The following TCF7L1 variants were observed in gnomAD, a reference collection of about 807,000 sequenced individuals.
TCF7L1 encodes the protein transcription factor 7 like 1, also known as transcription factor 7-like 1.
TCF7L1 carries 18 observed loss-of-function variants against 63.7 expected under a neutral mutation model. The ratio of observed to expected loss-of-function variants is 0.28; its 90% confidence interval spans 0.20 to 0.42. The LOEUF is 0.42. Ranked by LOEUF, TCF7L1 falls within the 10% of genes least tolerant of loss-of-function variation. The probability of loss-of-function intolerance (pLI) is 1.00; values close to 1 mark genes in which losing one functional copy is unlikely to be tolerated. For missense variants in TCF7L1, 654 were observed against 779.3 expected (o/e 0.84, Z 1.91); for synonymous variants, 355 against 340.9 (o/e 1.04, Z -0.46).
chr2:85,306,276 A>C lies in TCF7L1; in HGVS notation c.1060A>C (p.Met354Leu). ...PHVKKPLNAF[M>L]LYMKEMRAKV... ...CGTGAAGAAGCCTCTGAATGCCTTC[A>C]TGTTGTATATGAAGGAGATGAGGGC... is the stretch of plus-strand genomic sequence containing the variant. The change falls in exon 9 of 12, where the codon ATG (methionine) becomes CTG (leucine). Residue 354 changes from methionine to leucine, a missense_variant. This residue lies in a region of TCF7L1 where 66 missense variants were observed against 120.5 expected (regional missense o/e 0.55). Transcript: ENST00000282111. This position sits in a 1 kb window ranked among gnomAD's most constrained non-coding sequence, Gnocchi z 4.3. 1 of 1,614,196 alleles carries C rather than the reference A, an allele frequency of 6.2e-7. No individual in the cohort carries two copies. Among genetic ancestry groups the C allele is most frequent in the East Asian group, 2.2e-5 (1 of 44,884 alleles).
intron 11 of TCF7L1, among the ~76,000 whole-genome samples, 195 bp downstream of exon 11, chr2:85,307,912 A>G (rs2104392056): frequency 6.6e-6 from 1 of 152,302 alleles, no homozygotes; most frequent in Non-Finnish European, 1.5e-5. Flanking sequence ...ACTCTGCTTC[A>G]GTGGTGGTGG....
intron 3 of TCF7L1, among the ~76,000 whole-genome samples, chr2:85,243,107 G>A (rs1007773326): frequency 6.6e-6 from 1 of 152,128 alleles, no homozygotes; most frequent in Non-Finnish European, 1.5e-5. Flanking sequence ...CAATTATTCC[G>A]CCCTTAACTC....
chr2:85,221,269 C>T (rs1558637940), intron 3 of TCF7L1, among the ~76,000 whole-genome samples: 1 of 152,080 alleles, frequency 6.6e-6, no homozygotes, highest in Non-Finnish European at 1.5e-5. Context: ...GAAAGAATCA[C>T]GCATTTGTCC....
intron 3 of TCF7L1, chr2:85,213,691 A>C (rs1402066245): frequency 6.6e-6 from 1 of 152,176 alleles, no homozygotes; most frequent in African/African-American, 2.4e-5. Context: ...CCAAGGAGCT[A>C]AGGTGGGCAG....
chr2:85,169,212 T>A (rs898613424), intron 3 of TCF7L1, among the ~76,000 whole-genome samples: 1 of 152,100 alleles, frequency 6.6e-6, no homozygotes, highest in Non-Finnish European at 1.5e-5. Context: ...CATCAGTCCT[T>A]CATTCAGCAG....
intron 3 of TCF7L1, among the ~76,000 whole-genome samples, chr2:85,212,089 C>CAAAAAAA (rs61280306): frequency 3.7e-4 from 26 of 69,820 alleles, no homozygotes; most frequent in Non-Finnish European, 5.2e-4. Context: ...GACTCCATCT[C>CAAAAAAA]AAAAAAAAAA....
intron 3 of TCF7L1, among the ~76,000 whole-genome samples, chr2:85,235,823 A>T (rs1317605858): frequency 6.6e-6 from 1 of 152,098 alleles, no homozygotes; most frequent in Non-Finnish European, 1.5e-5. Context: ...GGCATTCAAG[A>T]TCAGCCTAGG....
chr2:85,135,336 C>G (rs1677568524), intron 3 of TCF7L1, among the ~76,000 whole-genome samples: 1 of 152,100 alleles, frequency 6.6e-6, no homozygotes, highest in Non-Finnish European at 1.5e-5. Context: ...GTGCTGGGTC[C>G]GATGACAGAT....
rs1234945532 is a variant in TCF7L1, at chr2:85,133,688, C to A, written c.4C>A (p.Pro2Thr). 3.0e-6 allele frequency: 3 copies of A among 989,604 alleles called. No individual in the cohort carries two copies. Among genetic ancestry groups the A allele is most frequent in the Admixed American group, 6.2e-5 (1 of 16,250 alleles). 61.3% of individuals were successfully genotyped at this position (989,604 alleles called of 1,614,324 possible). Reference sequence around the variant, plus strand: ...GGCCCCGGCCCGCGGCCCCACCATGCCCCAGCTCGGCGGCGGGGGCGGCGG... The same window carrying A: ...GGCCCCGGCCCGCGGCCCCACCATGACCCAGCTCGGCGGCGGGGGCGGCGG... M[P>T]QLGGGGGGGG... Residue 2 changes from proline to threonine, a missense_variant, in exon 1 of 12, where the codon CCC (proline) becomes ACC (threonine). By Grantham distance (38) the Pro-to-Thr change is conservative (BLOSUM62 -1). Transcript: ENST00000282111. The surrounding 1 kb of genome is among the most constrained non-coding windows in gnomAD (Gnocchi z 4.4).
Position 85,146,547 on chromosome 2 carries a change from G to A in TCF7L1, c.441+12097G>A, listed in dbSNP as rs1286041235. Among the ~76,000 whole-genome samples, 21 of 142,974 alleles carry A rather than the reference G, an allele frequency of 1.5e-4. 1 individual carries two copies. Among genetic ancestry groups the A allele is most frequent in the African/African-American group, 5.5e-4 (21 of 38,230 alleles). The allele number at this position is 142,974 out of a possible 152,430, so 93.8% of individuals were successfully genotyped here. ...ATGGAGTTTCGCTCTTGTTGCCCAG[G>A]CTGGAGTGCAATGGCACGATCTCGG... is the stretch of plus-strand genomic sequence containing the variant. On this transcript the variant is annotated intron_variant, in intron 3 of 11. Transcript: ENST00000282111.
chr2:85,290,428 A>G (rs1681681313), intron 4 of TCF7L1, among the ~76,000 whole-genome samples: 1 of 152,198 alleles, frequency 6.6e-6, no homozygotes, highest in African/African-American at 2.4e-5. Flanking sequence ...CGCCTGCCTC[A>G]GTCTCCAAAA....
At chr2:85,149,326 C>CATACATATAT (rs1677953850) in intron 3 of TCF7L1, among the ~76,000 whole-genome samples, 1 of 150,022 alleles carries the variant, frequency 6.7e-6, no homozygotes, top group African/African-American at 2.5e-5. Context: ...CACATATACA[C>CATACATATAT]ATATGTGTGT....
intron 3 of TCF7L1, among the ~76,000 whole-genome samples, chr2:85,237,673 A>G (rs964318029): frequency 6.7e-6 from 1 of 148,560 alleles, no homozygotes; most frequent in Non-Finnish European, 1.5e-5. Flanking sequence ...GAGAGTGGAG[A>G]AGAGAGCATC....
chr2:85,205,404 C>G (rs1186165553), intron 3 of TCF7L1, among the ~76,000 whole-genome samples: 1 of 152,120 alleles, frequency 6.6e-6, no homozygotes, highest in Non-Finnish European at 1.5e-5. Context: ...TCTGTATGGC[C>G]AATTGTCAAC....
intron 3 of TCF7L1, among the ~76,000 whole-genome samples, chr2:85,194,874 A>G (rs558735455): frequency 7.2e-5 from 11 of 152,342 alleles, no homozygotes; most frequent in African/African-American, 2.6e-4. Flanking sequence ...TTCAAGTTTA[A>G]TCACCACAAA....
At chr2:85,178,806 C>T (rs935826617) in intron 3 of TCF7L1, among the ~76,000 whole-genome samples, 2 of 152,060 alleles carry the variant, frequency 1.3e-5, no homozygotes, top group Non-Finnish European at 2.9e-5. Flanking sequence ...GGCGGCAGGG[C>T]TGTGATTTTA....
chr2:85,182,717 A>G (rs971841787), intron 3 of TCF7L1, among the ~76,000 whole-genome samples: 1 of 152,208 alleles, frequency 6.6e-6, no homozygotes, highest in Non-Finnish European at 1.5e-5. Flanking sequence ...GCACAATACA[A>G]GTTGATTTCT....
At chr2:85,214,565 G>A (rs1469941692) in intron 3 of TCF7L1, among the ~76,000 whole-genome samples, 1 of 152,210 alleles carries the variant, frequency 6.6e-6, no homozygotes, top group Non-Finnish European at 1.5e-5. Context: ...GGTGATAAAG[G>A]TTAGAGTAGG....
chr2:85,277,459 T>A (rs1011916574), intron 3 of TCF7L1, among the ~76,000 whole-genome samples: 7 of 152,036 alleles, frequency 4.6e-5, no homozygotes, highest in Admixed American at 2.6e-4. Context: ...GGACTTTACA[T>A]CTCCCGAAAA....
Sources: allele counts gnomAD v4.1 joint callset (sites outside exome capture counted in the v4.1 genomes callset), GRCh38; gene constraint gnomAD v4.1.1; regional missense constraint gnomAD v4.1.1; non-coding constraint Gnocchi (gnomAD v3.1); transcripts MANE v1.5; gene names NCBI Gene and HGNC (gene_info 2026-07-23, HGNC 2026-07-21).